Variants in DLGAP2 observed in about 807,000 individuals in gnomAD.
The protein encoded by DLGAP2 is disks large-associated protein 2.
In DLGAP2, 26 loss-of-function variants were observed where a neutral mutation model predicts 100.3. That is an observed-to-expected ratio of 0.26 (90% CI 0.19 to 0.36). DLGAP2 has a LOEUF of 0.36. Ranked by LOEUF, DLGAP2 falls within the 10% of genes least tolerant of loss-of-function variation. The probability of loss-of-function intolerance (pLI) is 1.00; values close to 1 mark genes in which losing one functional copy is unlikely to be tolerated. For missense variants in DLGAP2, 1,858 were observed against 1,453.2 expected, an observed-to-expected ratio of 1.28 and a Z score of -4.53; for synonymous variants, 886 against 630.1, an observed-to-expected ratio of 1.41 and a Z score of -6.08.
At chr8:1,197,183 C>G (rs1029388445) in intron 2 of DLGAP2, among the ~76,000 whole-genome samples, 3 of 152,224 alleles carry the variant, frequency 2.0e-5, no homozygotes, top group Non-Finnish European at 4.4e-5. Context: ...GTCACAGACA[C>G]ACACGGAAGT....
chr8:1,496,273 T>A (rs1247391306), intron 3 of DLGAP2, among the ~76,000 whole-genome samples: 1 of 152,018 alleles, frequency 6.6e-6, no homozygotes, highest in Non-Finnish European at 1.5e-5. Context: ...CATGAGACAT[T>A]GCGGTGTCGG....
chr8:889,741 G>C (rs746720120), intron 1 of DLGAP2, among the ~76,000 whole-genome samples: 15 of 152,202 alleles, frequency 9.9e-5, no homozygotes, highest in Non-Finnish European at 2.2e-4. Context: ...CCCCTCCCCA[G>C]GGAGTTAAAA....
chr8:1,675,182 T>C (rs1350625291), intron 10 of DLGAP2, among the ~76,000 whole-genome samples: 1 of 152,216 alleles, frequency 6.6e-6, no homozygotes, highest in Non-Finnish European at 1.5e-5. Context: ...AAAGTGGACG[T>C]CTCTGTCCGT....
intron 2 of DLGAP2, among the ~76,000 whole-genome samples, chr8:1,186,815 C>A (rs1041880363): frequency 6.6e-6 from 1 of 152,158 alleles, no homozygotes; most frequent in Non-Finnish European, 1.5e-5. Flanking sequence ...GAGTGCCTGG[C>A]TTGGCTTTGC....
chr8:866,590 C>T (rs1203030610), intron 1 of DLGAP2, among the ~76,000 whole-genome samples: 1 of 152,136 alleles, frequency 6.6e-6, no homozygotes, highest in East Asian at 1.9e-4. Context: ...GGGGTCGTGT[C>T]TCTGTGGGGC....
intron 2 of DLGAP2, among the ~76,000 whole-genome samples, chr8:1,052,915 C>G (rs1299807872): frequency 1.3e-5 from 2 of 152,136 alleles, no homozygotes; most frequent in African/African-American, 4.8e-5. Flanking sequence ...CCCCAAATGT[C>G]TATATAGAGA....
At chr8:1,558,484 C>G (rs368794630) in intron 5 of DLGAP2, among the ~76,000 whole-genome samples, 1 of 152,154 alleles carries the variant, frequency 6.6e-6, no homozygotes, top group Non-Finnish European at 1.5e-5. Context: ...GAGACACATA[C>G]AAACATGCAC....
At chr8:974,417 A>G (rs754853435) in intron 2 of DLGAP2, among the ~76,000 whole-genome samples, 2 of 152,242 alleles carry the variant, frequency 1.3e-5, no homozygotes, top group Non-Finnish European at 2.9e-5. Flanking sequence ...TTCTGTCTAT[A>G]GATGACTTCA....
At chr8:1,466,115 C>T (rs1176100886) in intron 3 of DLGAP2, among the ~76,000 whole-genome samples, 2 of 152,146 alleles carry the variant, frequency 1.3e-5, no homozygotes, top group East Asian at 1.9e-4. Context: ...AATAAATTAA[C>T]CATATTCGTG....
At chr8:930,977 C>G (rs1278109842) in intron 2 of DLGAP2, among the ~76,000 whole-genome samples, 1 of 152,200 alleles carries the variant, frequency 6.6e-6, no homozygotes, top group African/African-American at 2.4e-5. Flanking sequence ...GGCTCAGATC[C>G]ATTCTTCTGG....
intron 2 of DLGAP2, among the ~76,000 whole-genome samples, chr8:1,226,407 G>T (rs1011938912): frequency 6.6e-6 from 1 of 152,164 alleles, no homozygotes; most frequent in African/African-American, 2.4e-5. Flanking sequence ...ACTTATAAGT[G>T]GGAGCTGAAC....
intron 7 of DLGAP2, among the ~76,000 whole-genome samples, chr8:1,632,447 G>A (rs73543238): frequency 0.19 from 28,777 of 152,098 alleles, 2,795 homozygotes; most frequent in Middle Eastern, 0.36. Context: ...CTTGGAAAGG[G>A]GGGGCCGTCA....
At chr8:1,523,290 G>A (rs558839405) in intron 4 of DLGAP2, among the ~76,000 whole-genome samples, 82 of 152,372 alleles carry the variant, frequency 5.4e-4, no homozygotes, top group African/African-American at 1.9e-3. Context: ...CGCAGGATGT[G>A]GGGATGGAAG....
chr8:1,666,378 T>C (rs1484057027), intron 8 of DLGAP2, among the ~76,000 whole-genome samples: 1 of 152,184 alleles, frequency 6.6e-6, no homozygotes, highest in Non-Finnish European at 1.5e-5. Flanking sequence ...TTTTTACAAA[T>C]GTATCCACTT....
intron 6 of DLGAP2, among the ~76,000 whole-genome samples, chr8:1,592,909 A>T (rs1022965842): frequency 6.6e-6 from 1 of 152,354 alleles, no homozygotes; most frequent in Non-Finnish European, 1.5e-5. Context: ...ATGGATGCAG[A>T]TTCAGCAAAC....
chr8:914,937 A>G (rs768791268), intron 2 of DLGAP2, among the ~76,000 whole-genome samples: 7 of 152,124 alleles, frequency 4.6e-5, no homozygotes, highest in Non-Finnish European at 8.8e-5. Context: ...CTGAGGATTC[A>G]TCCTTGGGGG....
intron 1 of DLGAP2, among the ~76,000 whole-genome samples, chr8:888,403 C>G (rs1584864356): frequency 1.3e-5 from 2 of 152,196 alleles, no homozygotes; most frequent in Admixed American, 1.3e-4. Flanking sequence ...ACCTGATCCT[C>G]CATCCAGTTC....
intron 2 of DLGAP2, among the ~76,000 whole-genome samples, chr8:1,054,708 T>C (rs1466906015): frequency 6.6e-6 from 1 of 152,200 alleles, no homozygotes; most frequent in Admixed American, 6.5e-5. Flanking sequence ...GAATTAACAT[T>C]ATTTGGAAGG....
intron 2 of DLGAP2, among the ~76,000 whole-genome samples, chr8:1,112,300 G>T (rs1161391589): frequency 7.0e-6 from 1 of 142,346 alleles, no homozygotes; most frequent in Admixed American, 7.4e-5. Context: ...AAGTGCAGTG[G>T]TGTGATCTTG....
Sources: gnomAD v4.1 joint callset for allele counts (sites outside exome capture counted in the v4.1 genomes callset) on GRCh38, gnomAD v4.1.1 for gene constraint, MANE v1.5 for transcripts, NCBI Gene and HGNC (gene_info 2026-07-23, HGNC 2026-07-21) for gene names.